The following DTNB variants were observed in gnomAD, a reference collection of about 807,000 sequenced individuals.
DTNB encodes the protein dystrobrevin beta.
A neutral mutation model predicts 90.7 loss-of-function variants in DTNB; 63 were observed. That is an observed-to-expected ratio of 0.69 (90% confidence interval 0.57 to 0.86). The LOEUF (loss-of-function observed/expected upper bound fraction) is 0.86, where lower values mean the gene tolerates loss of function less well. DTNB is among the 40% of genes least tolerant of loss of function. The pLI, the probability that DTNB is intolerant of heterozygous loss-of-function variation, is 0.00. For missense variants in DTNB, 744 were observed against 807.1 expected (o/e 0.92, Z 0.95); for synonymous variants, 277 against 286.7 (o/e 0.97, Z 0.34).
chr2:25,531,580 C>CT lies in DTNB; in HGVS notation c.893dup (p.Leu299AlafsTer6). On this transcript the variant is annotated frameshift_variant, in exon 9 of 21. Transcript: ENST00000406818. LOFTEE classifies it high-confidence loss of function. ...AAGATTTACTAATTGCATGGCTCAG[C>CT]TTCTTTGCAGGAGATTTCTGTGTCA... The CT allele has an allele frequency of 6.2e-7, 1 of 1,613,786 alleles. No homozygotes were observed. Among genetic ancestry groups the CT allele is most frequent in the South Asian group, 1.1e-5 (1 of 91,026 alleles).
At chr2:25,430,203 T>C (rs2053397672) in intron 14 of DTNB, among the ~76,000 whole-genome samples, 1 of 152,212 alleles carries the variant, frequency 6.6e-6, no homozygotes, top group Admixed American at 6.5e-5. Context: ...TTCTTATCCA[T>C]ACTGTTTATT....
At chr2:25,488,356 G>A (rs1160722273) in intron 9 of DTNB, among the ~76,000 whole-genome samples, 1 of 152,106 alleles carries the variant, frequency 6.6e-6, no homozygotes. Context: ...ACTACTGGGT[G>A]GTAAAATATC....
chr2:25,437,286 G>A (rs2056112908), intron 12 of DTNB, among the ~76,000 whole-genome samples: 1 of 150,172 alleles, frequency 6.7e-6, no homozygotes, highest in African/African-American at 2.5e-5. Flanking sequence ...TTTTGAGACA[G>A]AATCTTGCTG....
At chr2:25,455,541 C>A (rs1349535417) in intron 10 of DTNB, 47 bp from the exon 11 acceptor site, 2 of 1,482,708 alleles carry the variant, frequency 1.3e-6, no homozygotes, top group Non-Finnish European at 1.8e-6. Context: ...CAAACACATA[C>A]AGAGGGAGAA....
intron 4 of DTNB, among the ~76,000 whole-genome samples, chr2:25,617,561 CAA>C (rs2071108512): frequency 6.6e-6 from 1 of 152,068 alleles, no homozygotes; most frequent in Non-Finnish European, 1.5e-5. Flanking sequence ...AAAATATACA[CAA>C]AAGTTATAAT....
At chr2:25,395,869 A>G (rs1257376652) in intron 16 of DTNB, among the ~76,000 whole-genome samples, 1 of 152,226 alleles carries the variant, frequency 6.6e-6, no homozygotes, top group Non-Finnish European at 1.5e-5. Flanking sequence ...TTTCTCTTAC[A>G]TAATATGGAA....
At chr2:25,585,570 A>G (rs569167853) in intron 6 of DTNB, among the ~76,000 whole-genome samples, 412 of 152,346 alleles carry the variant, frequency 2.7e-3, no homozygotes, top group African/African-American at 9.3e-3. Flanking sequence ...CTTAAAAATG[A>G]AAAATCCAGT....
chr2:25,458,090 C>T (rs2060326165), intron 10 of DTNB, among the ~76,000 whole-genome samples: 1 of 152,124 alleles, frequency 6.6e-6, no homozygotes, highest in Admixed American at 6.5e-5. Context: ...ACCTCTGCCT[C>T]CCAAAGTGCT....
Position 25,418,698 on chromosome 2 carries a change from C to CA in DTNB, c.1575+816dup, listed in dbSNP as rs565809547. Among the ~76,000 whole-genome samples, 504 of 83,382 alleles carry CA rather than the reference C, an allele frequency of 6.0e-3. 3 individuals carry two copies. Among genetic ancestry groups the CA allele is most frequent in the African/African-American group, 0.013 (290 of 22,364 alleles). 54.7% of individuals were successfully genotyped at this position (83,382 alleles called of 152,430 possible). ...TGGGAGACAGAGCGAGACACCGTCT[C>CA]AAAAAAAAAAAAAAGGCAAATTTTA... On this transcript the variant is annotated intron_variant, in intron 16 of 20. Transcript: ENST00000406818.
chr2:25,526,788 T>C (rs2077273981), intron 9 of DTNB, among the ~76,000 whole-genome samples: 1 of 152,138 alleles, frequency 6.6e-6, no homozygotes, highest in Non-Finnish European at 1.5e-5. Flanking sequence ...AGAATGGTTA[T>C]CTATAGGGGA....
chr2:25,620,732 C>A (rs1573538196), intron 4 of DTNB, among the ~76,000 whole-genome samples: 1 of 151,956 alleles, frequency 6.6e-6, no homozygotes, highest in East Asian at 1.9e-4. Flanking sequence ...TCTGGAAGGC[C>A]GAGGCTGGAG....
chr2:25,556,533 T>C (rs1237588741), intron 8 of DTNB, among the ~76,000 whole-genome samples: 2 of 152,210 alleles, frequency 1.3e-5, no homozygotes, highest in African/African-American at 2.4e-5. Flanking sequence ...TCAATAAACG[T>C]TGATTATGTG....
At chr2:25,425,517 C>T (rs150151266) in intron 15 of DTNB, among the ~76,000 whole-genome samples, 3 of 152,332 alleles carry the variant, frequency 2.0e-5, no homozygotes, top group Admixed American at 6.5e-5. Flanking sequence ...CTTGTCACTT[C>T]GGGCCTGGAG....
intron 10 of DTNB, among the ~76,000 whole-genome samples, chr2:25,480,989 T>C (rs188904183): frequency 9.7e-4 from 148 of 152,332 alleles, no homozygotes; most frequent in African/African-American, 3.4e-3. Flanking sequence ...ATTCTGTCTC[T>C]TCCTCACTTA....
At position 25,444,846 on chromosome 2, in the gene DTNB, A is replaced by G. The variant is rs537517440; in HGVS notation, c.1257+6702T>C. The stretch of plus-strand genomic sequence containing the variant: ...TATGCAAAGCACTTGTATCAATGTG[A>G]GATTAGAGGATTAGGAGTTTCTGTA... On this transcript the variant is annotated intron_variant, in intron 12 of 20. Transcript: ENST00000406818. Among the ~76,000 whole-genome samples the G allele has an allele frequency of 5.2e-4, 79 of 152,306 alleles. 3 individuals are homozygous for G. The Middle Eastern group carries it at 0.01, about 20-fold the overall frequency.
At chr2:25,657,682 C>G (rs901018339) in intron 1 of DTNB, among the ~76,000 whole-genome samples, 1 of 152,142 alleles carries the variant, frequency 6.6e-6, no homozygotes, top group African/African-American at 2.4e-5. Flanking sequence ...GATCACACTA[C>G]TGCACTCCAG....
intron 4 of DTNB, among the ~76,000 whole-genome samples, chr2:25,620,694 G>A (rs1245668237): frequency 6.6e-6 from 1 of 152,172 alleles, no homozygotes; most frequent in Non-Finnish European, 1.5e-5. Context: ...ATGGCCAGGT[G>A]TGGTGGCTCA....
At chr2:25,672,910 A>G (rs1419166409) in intron 1 of DTNB, 1 of 152,162 alleles carries the variant, frequency 6.6e-6, no homozygotes, top group Non-Finnish European at 1.5e-5. Flanking sequence ...CAGGTTCGCT[A>G]TTAGGCGCCT....
intron 1 of DTNB, among the ~76,000 whole-genome samples, chr2:25,656,738 G>A (rs893794457): frequency 3.9e-5 from 6 of 152,174 alleles, no homozygotes; most frequent in Non-Finnish European, 1.5e-5. Context: ...CAGTAGGCAC[G>A]TTTATTGAAA....
Sources: allele counts gnomAD v4.1 joint callset (sites outside exome capture counted in the v4.1 genomes callset), GRCh38; gene constraint gnomAD v4.1.1; transcripts MANE v1.5; gene names NCBI Gene and HGNC (gene_info 2026-07-23, HGNC 2026-07-21).